The following LETM1 variants were observed in gnomAD, a reference collection of about 807,000 sequenced individuals.
LETM1 encodes the protein mitochondrial proton/calcium exchanger protein.
In LETM1, 50 loss-of-function variants were observed where a neutral mutation model predicts 74.5. The observed-to-expected ratio is 0.67, with a 90% CI of 0.53 to 0.85. The LOEUF (loss-of-function observed/expected upper bound fraction) is 0.85. LETM1 is among the 40% of genes least tolerant of loss of function. LETM1 has a pLI of 0.00. For missense variants in LETM1, 824 were observed against 967.8 expected (o/e 0.85, Z 1.97); for synonymous variants, 446 against 407.1 (o/e 1.10, Z -1.15).
At chr4:1,822,122 T>G (rs1222043734) in intron 10 of LETM1, 59 bp downstream of exon 10, 1 of 1,346,140 alleles carries the variant, frequency 7.4e-7, no homozygotes, top group Non-Finnish European at 9.6e-7. Context: ...CCCACAACTG[T>G]CCACAAAGCC....
intron 6 of LETM1, among the ~76,000 whole-genome samples, chr4:1,827,578 CAT>C (rs1190395407): frequency 4.2e-5 from 5 of 120,424 alleles, no homozygotes; most frequent in Non-Finnish European, 8.5e-5. Flanking sequence ...GGACACAGCA[CAT>C]GTTTCAGAGA....
At chr4:1,817,367 G>C (rs1227763542) in intron 11 of LETM1, among the ~76,000 whole-genome samples, 1 of 151,932 alleles carries the variant, frequency 6.6e-6, no homozygotes, top group African/African-American at 2.4e-5. Context: ...AACCAGACCA[G>C]GCAACATAGC....
rs567681375 is a variant in LETM1, at chr4:1,827,356, T to TG, written c.1081-1674dup. 2.2e-3 allele frequency among the ~76,000 whole-genome samples: 289 copies of TG among 131,302 alleles called. 1 individual carries two copies. The highest frequency in any genetic ancestry group is 7.9e-3 in the African/African-American group (271 of 34,218). 86.1% of individuals were successfully genotyped at this position (131,302 alleles called of 152,430 possible). A position where few individuals can be genotyped will look rare whatever the true frequency, so the allele number is the denominator to read the frequency against. ...CACAGAGGGGGATTTGGCAGGGTCA[T>TG]GGGACAATAGTGGAGGGAAGGTCAG... On this transcript the variant is annotated intron_variant, in intron 6 of 13. Transcript: ENST00000302787.
chr4:1,823,574 T>G, intron 8 of LETM1, 70 bp downstream of exon 8: 1 of 1,588,006 alleles, frequency 6.3e-7, no homozygotes, highest in Non-Finnish European at 8.6e-7. Context: ...CTTGCACACC[T>G]CCCCCCACCC....
chr4:1,822,342 C>A, intron 9 of LETM1, 30 bp from the exon 10 acceptor site: 1 of 1,441,006 alleles, frequency 6.9e-7, no homozygotes, highest in Non-Finnish European at 9.2e-7. Context: ...CAGCCCAGCG[C>A]CCGCCATCAC....
chr4:1,821,710 C>T (rs1427817380), intron 10 of LETM1, among the ~76,000 whole-genome samples: 1 of 152,140 alleles, frequency 6.6e-6, no homozygotes, highest in African/African-American at 2.4e-5. Flanking sequence ...GTAGGCAGCA[C>T]AGGCGCCTGG....
In LETM1 at chr4:1,834,419, C is replaced by G; in HGVS notation, c.876+426G>C. ...CAAGGGCCGCTCCTCCTCTCCAGCC[C>G]CCACTGCTCCCACAGTCCAGGCCTC... is the stretch of plus-strand genomic sequence containing the variant. On this transcript the variant is annotated intron_variant, in intron 5 of 13. Transcript: ENST00000302787. This position sits in a 1 kb window ranked among gnomAD's most constrained non-coding sequence, Gnocchi z 5.0. The G allele has an allele frequency of 2.0e-6, 2 of 997,182 alleles. No homozygotes were observed. The highest frequency in any genetic ancestry group is 2.4e-6 in the Non-Finnish European group (2 of 837,696). The allele number at this position is 997,182 out of a possible 1,614,324, so 61.8% of individuals were successfully genotyped here. A position where few individuals can be genotyped will look rare whatever the true frequency, so the allele number is the denominator to read the frequency against.
intron 5 of LETM1, chr4:1,833,236 A>G: frequency 2.5e-6 from 1 of 405,988 alleles, no homozygotes; most frequent in Non-Finnish European, 4.6e-6. Context: ...ACACCCAGCT[A>G]ATTTTTGTAT....
chr4:1,819,239 A>T, intron 11 of LETM1, 99 bp downstream of exon 11: 1 of 1,255,994 alleles, frequency 8.0e-7, no homozygotes, highest in Non-Finnish European at 1.1e-6. Context: ...TGGCCAGCTT[A>T]TCAAGTATCT....
In LETM1 at chr4:1,834,562, T is replaced by A; in HGVS notation, c.876+283A>T. 1 of 1,206,208 alleles carries A rather than the reference T, an allele frequency of 8.3e-7. No individual in the cohort carries two copies. Among genetic ancestry groups the A allele is most frequent in the Non-Finnish European group, 1.0e-6 (1 of 964,446 alleles). 74.7% of individuals were successfully genotyped at this position (1,206,208 alleles called of 1,614,324 possible). On this transcript the variant is annotated intron_variant, in intron 5 of 13. Coordinates refer to ENST00000302787, the MANE Select transcript of LETM1 (RefSeq NM_012318.3). This position sits in a 1 kb window ranked among gnomAD's most constrained non-coding sequence, Gnocchi z 5.0. ...CACCATCAGGGTCTCAGGCTCCTCA[T>A]GGGTCAGATTCTACTGCTCCTGGAC...
chr4:1,832,838 A>T lies in LETM1; in HGVS notation c.986T>A (p.Leu329Gln). The T allele has an allele frequency of 6.2e-7, 1 of 1,614,126 alleles. No individual in the cohort carries two copies. ...GGACTGTAGCTCCAGCAGCTTGCAC[A>T]GGGCCACCAGCTGCGGCCGTGTCAG... ...DNLTRPQLVA[L>Q]CKLLELQSIG... The change falls in exon 6 of 14, where the codon CTG becomes CAG. Residue 329 changes from leucine (L) to glutamine (Q), a missense_variant. Coordinates refer to ENST00000302787, the MANE Select transcript of LETM1 (RefSeq NM_012318.3).
At chr4:1,823,914 C>A in intron 7 of LETM1, 139 bp from the exon 8 acceptor site, 2 of 996,516 alleles carry the variant, frequency 2.0e-6, no homozygotes, top group Non-Finnish European at 2.9e-6. Flanking sequence ...TGTTGCTGTG[C>A]TGCGTGACCC....
chr4:1,823,380 G>A lies in LETM1; in HGVS notation c.1333-249C>T, dbSNP rs150132745. On this transcript the variant is annotated intron_variant, in intron 8 of 13. Transcript: ENST00000302787. ...CGCTGCTGACACAGCTCCAAGGGCC[G>A]CGGCCCAGATCCACAGCAGCCAACA... Among the ~76,000 whole-genome samples the A allele has an allele frequency of 1.5e-4, 23 of 152,276 alleles. 1 individual carries two copies. Among genetic ancestry groups the A allele is most frequent in the South Asian group, 8.3e-4 (4 of 4,826 alleles).
chr4:1,845,539 C>CTTTTTTTT (rs565953029), intron 2 of LETM1, among the ~76,000 whole-genome samples: 4 of 137,404 alleles, frequency 2.9e-5, no homozygotes, highest in Non-Finnish European at 4.8e-5. Flanking sequence ...ATTCTTTTTT[C>CTTTTTTTT]TTTTTTTTTT....
intron 12 of LETM1, 71 bp downstream of exon 12, chr4:1,816,656 G>A (rs1342000064): frequency 3.4e-6 from 5 of 1,473,750 alleles, no homozygotes; most frequent in East Asian, 4.6e-5. Flanking sequence ...GGCCCAGCTC[G>A]GATCCAGCAA....
chr4:1,829,399 A>AC (rs1447591092), intron 6 of LETM1, among the ~76,000 whole-genome samples: 1 of 150,642 alleles, frequency 6.6e-6, no homozygotes, highest in South Asian at 2.1e-4. Flanking sequence ...CGGGGGGCTG[A>AC]CCCCCCAACC....
chr4:1,816,963 G>A (rs1711588714), intron 11 of LETM1, 49 bp from the exon 12 acceptor site: 2 of 1,524,328 alleles, frequency 1.3e-6, no homozygotes, highest in Non-Finnish European at 1.8e-6. Context: ...AAGAAAAAGG[G>A]GGTCAGGTGT....
rs1335570804 is a variant in LETM1, at chr4:1,836,722, TAGC to T, written c.595-153_595-151del. 5 of 786,174 alleles carry T rather than the reference TAGC, an allele frequency of 6.4e-6. No homozygotes were observed. Among genetic ancestry groups the T allele is most frequent in the Non-Finnish European group, 4.0e-6 (2 of 501,390 alleles). 48.7% of individuals were successfully genotyped at this position (786,174 alleles called of 1,614,324 possible). On this transcript the variant is annotated intron_variant, in intron 3 of 13. Coordinates refer to ENST00000302787, the MANE Select transcript of LETM1 (RefSeq NM_012318.3). The surrounding 1 kb of genome is among the most constrained non-coding windows in gnomAD (Gnocchi z 5.8). The stretch of plus-strand genomic sequence containing the variant: ...GAGGACTCTAAGTTCCAGAACCACT[TAGC>T]AGACCATTCCCAAAACCCACTTCTT...
intron 13 of LETM1, 48 bp from the exon 14 acceptor site, chr4:1,814,621 A>C: frequency 6.4e-7 from 1 of 1,560,464 alleles, no homozygotes; most frequent in Admixed American, 1.7e-5. Context: ...GCCCTACAGC[A>C]CAGTGAGGCA....
Sources: allele counts gnomAD v4.1 joint callset (sites outside exome capture counted in the v4.1 genomes callset), GRCh38; gene constraint gnomAD v4.1.1; non-coding constraint Gnocchi (gnomAD v3.1); transcripts MANE v1.5; gene names NCBI Gene and HGNC (gene_info 2026-07-23, HGNC 2026-07-21).